Variants in CTNNA3 observed in about 807,000 individuals in gnomAD.
CTNNA3 encodes the protein catenin alpha-3.
Under a neutral mutation model 95.7 loss-of-function variants are expected in CTNNA3, and 76 were observed. The observed-to-expected ratio is 0.79, with a 90% CI of 0.66 to 0.96. The LOEUF (loss-of-function observed/expected upper bound fraction) is 0.96, where lower values mean the gene tolerates loss of function less well. CTNNA3 is among the 40% of genes least tolerant of loss of function. The pLI, the probability that CTNNA3 is intolerant of heterozygous loss-of-function variation, is 0.00. For synonymous variants in CTNNA3, 431 were observed against 374.4 expected (o/e 1.15, Z -1.74); for missense variants, 1,191 against 1,089.8 (o/e 1.09, Z -1.31).
chr10:66,941,970 G>C (rs1024936203), intron 7 of CTNNA3, among the ~76,000 whole-genome samples: 5 of 152,164 alleles, frequency 3.3e-5, no homozygotes, highest in Non-Finnish European at 7.3e-5. Context: ...GTAGGAGGGA[G>C]ATCGTAGACT....
At chr10:66,026,804 A>T (rs1285055074) in intron 15 of CTNNA3, among the ~76,000 whole-genome samples, 1 of 152,174 alleles carries the variant, frequency 6.6e-6, no homozygotes, top group Middle Eastern at 3.2e-3. Context: ...ATGAGAAGAT[A>T]AATCAGTTTA....
chr10:67,427,765 C>T (rs1444311174), intron 5 of CTNNA3, among the ~76,000 whole-genome samples: 2 of 152,106 alleles, frequency 1.3e-5, no homozygotes, highest in African/African-American at 4.8e-5. Context: ...CCCAGCTGAG[C>T]TTTGACACCA....
intron 6 of CTNNA3, among the ~76,000 whole-genome samples, chr10:67,196,310 T>A (rs1863368082): frequency 6.6e-6 from 1 of 151,826 alleles, no homozygotes; most frequent in African/African-American, 2.4e-5. Context: ...TTATTTATAG[T>A]ACTTTGGTAC....
At chr10:66,596,727 C>T (rs1379168455) in intron 10 of CTNNA3, among the ~76,000 whole-genome samples, 1 of 152,050 alleles carries the variant, frequency 6.6e-6, no homozygotes, top group Non-Finnish European at 1.5e-5. Context: ...GGAGATGACT[C>T]CTTCTTCAAA....
intron 5 of CTNNA3, among the ~76,000 whole-genome samples, chr10:67,423,720 T>C (rs564504401): frequency 1.3e-5 from 2 of 152,266 alleles, no homozygotes; most frequent in East Asian, 3.9e-4. Context: ...TATTGATGAT[T>C]GATAATGGAG....
intron 13 of CTNNA3, among the ~76,000 whole-genome samples, chr10:66,172,658 C>T (rs994607432): frequency 2.0e-5 from 3 of 151,708 alleles, no homozygotes; most frequent in Admixed American, 6.6e-5. Flanking sequence ...AAAGAAATAC[C>T]TGTTTTATCA....
intron 7 of CTNNA3, among the ~76,000 whole-genome samples, chr10:67,112,065 A>G (rs955779866): frequency 1.3e-5 from 2 of 152,192 alleles, no homozygotes; most frequent in Non-Finnish European, 2.9e-5. Flanking sequence ...AATCATTCAC[A>G]CGTTGAATAG....
chr10:66,271,071 A>C (rs1477489082), intron 13 of CTNNA3, among the ~76,000 whole-genome samples: 3 of 152,144 alleles, frequency 2.0e-5, no homozygotes. Flanking sequence ...TTCTTCAGGC[A>C]TTCAGGTGCC....
intron 3 of CTNNA3, among the ~76,000 whole-genome samples, chr10:67,570,712 A>G (rs1841948331): frequency 6.6e-6 from 1 of 152,180 alleles, no homozygotes; most frequent in African/African-American, 2.4e-5. Context: ...ATCTGACTTG[A>G]ACTCTCAGCA....
chr10:66,514,967 A>C (rs7911046), intron 11 of CTNNA3, among the ~76,000 whole-genome samples: 28,017 of 151,958 alleles, frequency 0.18, 2,850 homozygotes, highest in African/African-American at 0.27. Context: ...ATATAACTGC[A>C]ATGGATAAAC....
intron 1 of CTNNA3, among the ~76,000 whole-genome samples, chr10:67,666,760 T>A (rs531100536): frequency 0.013 from 1,927 of 152,296 alleles, 45 homozygotes; most frequent in African/African-American, 0.044. Flanking sequence ...TCCCATTTTA[T>A]TTTGCCCATA....
Position 66,474,699 on chromosome 10 carries a change from C to A in CTNNA3, c.1531+45918G>T, listed in dbSNP as rs533995554. On this transcript the variant is annotated intron_variant, in intron 11 of 17. Transcript: ENST00000433211. Reference sequence around the variant, plus strand: ...GTGTTCTCCTTTCTCTGCATCCATACCAGCAGTTGTCATTTTTTGTCTTTT... The same window carrying A: ...GTGTTCTCCTTTCTCTGCATCCATAACAGCAGTTGTCATTTTTTGTCTTTT... Among the ~76,000 whole-genome samples, 27 of 152,066 alleles carry A rather than the reference C, an allele frequency of 1.8e-4. No individual in the cohort carries two copies. The East Asian group carries it at 5.2e-3, about 29-fold the overall frequency.
At chr10:66,387,815 A>C (rs2092905176) in intron 11 of CTNNA3, among the ~76,000 whole-genome samples, 1 of 152,168 alleles carries the variant, frequency 6.6e-6, no homozygotes, top group South Asian at 2.1e-4. Flanking sequence ...TGAAGCTGGA[A>C]ACCATCATTC....
intron 10 of CTNNA3, among the ~76,000 whole-genome samples, chr10:66,606,356 C>A (rs1844121729): frequency 6.6e-6 from 1 of 151,956 alleles, no homozygotes; most frequent in Admixed American, 6.6e-5. Flanking sequence ...AGTATTAGAT[C>A]ATTGAGGCAG....
At chr10:66,485,556 C>T (rs765904342) in intron 11 of CTNNA3, among the ~76,000 whole-genome samples, 1 of 151,726 alleles carries the variant, frequency 6.6e-6, no homozygotes, top group African/African-American at 2.4e-5. Context: ...GATCTGTTTA[C>T]TAAAAATTAT....
intron 13 of CTNNA3, among the ~76,000 whole-genome samples, chr10:66,146,097 C>A (rs1403029009): frequency 6.6e-6 from 1 of 152,176 alleles, no homozygotes; most frequent in South Asian, 2.1e-4. Flanking sequence ...TGTGATCCAC[C>A]TGCTTTGGCC....
At chr10:66,685,565 G>A (rs1049500530) in intron 9 of CTNNA3, among the ~76,000 whole-genome samples, 21 of 149,360 alleles carry the variant, frequency 1.4e-4, no homozygotes, top group African/African-American at 4.7e-4. Flanking sequence ...GTAGAGACAG[G>A]GTTTCACCAT....
intron 7 of CTNNA3, among the ~76,000 whole-genome samples, chr10:66,909,842 A>G (rs1258511459): frequency 1.3e-5 from 2 of 152,138 alleles, no homozygotes; most frequent in Non-Finnish European, 2.9e-5. Flanking sequence ...AGCCATTAGG[A>G]GTAGCTACTT....
rs189436727 is a variant in CTNNA3 at position 67,741,784 on chromosome 10, T to C, written c.-2+21650A>G. ...CCCATTTCACGTGCACAGACACACA[T>C]AGGATCAAAATAAAGGGATAGAGGA... is the stretch of plus-strand genomic sequence containing the variant. On this transcript the variant is annotated intron_variant, in intron 1 of 17. Transcript: ENST00000684154. 2.6e-4 allele frequency among the ~76,000 whole-genome samples: 39 copies of C among 151,094 alleles called. 2 individuals are homozygous for C. The highest frequency in any genetic ancestry group is 7.7e-4 in the African/African-American group (32 of 41,320).
Sources: gnomAD v4.1 joint callset for allele counts (sites outside exome capture counted in the v4.1 genomes callset) on GRCh38, gnomAD v4.1.1 for gene constraint, MANE v1.5 for transcripts, NCBI Gene and HGNC (gene_info 2026-07-23, HGNC 2026-07-21) for gene names.